The following COL5A2 variants were observed in gnomAD, a reference collection of about 807,000 sequenced individuals.
COL5A2 encodes collagen alpha-2(V) chain.
A neutral mutation model predicts 208.2 loss-of-function variants in COL5A2; 23 were observed. The observed-to-expected ratio is 0.11, with a 90% CI of 0.08 to 0.16. COL5A2 has a LOEUF of 0.16. Among genes scored for constraint, COL5A2 ranks in the 10% least tolerant of loss-of-function variants. The pLI, the probability that COL5A2 is intolerant of heterozygous loss-of-function variation, is 1.00. For synonymous variants in COL5A2, 625 were observed against 628.5 expected, an observed-to-expected ratio of 0.99 and a Z score of 0.08; for missense variants, 1,590 against 1,956.4, an observed-to-expected ratio of 0.81 and a Z score of 3.53.
intron 31 of COL5A2, among the ~76,000 whole-genome samples, chr2:189,059,984 C>T (rs1385804268): frequency 6.6e-6 from 1 of 151,930 alleles, no homozygotes; most frequent in Non-Finnish European, 1.5e-5. Context: ...ACCCTGCAGC[C>T]CCCTTTCTAT....
chr2:189,361,121 C>G, the COL5A2 span, among the ~76,000 whole-genome samples: 1 of 152,048 alleles, frequency 6.6e-6, no homozygotes, highest in African/African-American at 2.4e-5. Context: ...GTTAGGTCCA[C>G]TTGGTCTAGA....
At chr2:189,321,231 A>G in the COL5A2 span, among the ~76,000 whole-genome samples, 1 of 152,228 alleles carries the variant, frequency 6.6e-6, no homozygotes, top group Non-Finnish European at 1.5e-5. Flanking sequence ...TGTAAAGACC[A>G]TCGATGCTAG....
At chr2:189,345,042 G>A in the COL5A2 span, among the ~76,000 whole-genome samples, 4 of 152,176 alleles carry the variant, frequency 2.6e-5, no homozygotes, top group Non-Finnish European at 4.4e-5. Flanking sequence ...GCTGCAAAAG[G>A]AATTAGGGAG....
intron 1 of COL5A2, among the ~76,000 whole-genome samples, chr2:189,193,420 T>C (rs1194293864): frequency 2.0e-5 from 3 of 152,228 alleles, no homozygotes; most frequent in Non-Finnish European, 4.4e-5. Flanking sequence ...ATACTATTTA[T>C]TTACCACTTA....
rs1688145344 is a variant in COL5A2, at chr2:189,151,674, T to G, written c.97+27834A>C. 2.0e-5 allele frequency among the ~76,000 whole-genome samples: 3 copies of G among 152,214 alleles called. No homozygotes were observed. The South Asian group carries it at 6.2e-4, about 31-fold the overall frequency. On this transcript the variant is annotated intron_variant, in intron 1 of 53. Transcript: ENST00000374866. ...AAACACATATTCATCTGTAACTCTT[T>G]TTCTTACCTTCTTCACTGTAAAACC...
intron 1 of COL5A2, among the ~76,000 whole-genome samples, chr2:189,191,162 A>AAAAAAAAAAAAAAAC (rs374376776): frequency 1.4e-5 from 1 of 73,802 alleles, no homozygotes; most frequent in African/African-American, 3.6e-5. Flanking sequence ...CAAAAAACAA[A>AAAAAAAAAAAAAAAC]CAAACAACAA....
chr2:189,074,382 G>A (rs1301032068), intron 17 of COL5A2, among the ~76,000 whole-genome samples: 1 of 152,078 alleles, frequency 6.6e-6, no homozygotes. Flanking sequence ...CTATGAAATA[G>A]TGCAAGATGG....
chr2:189,061,562 C>G lies in COL5A2; in HGVS notation c.2031G>C (p.Gln677His). The change falls in exon 30 of 54, where the codon CAG becomes CAC. Residue 677 changes from glutamine (Q) to histidine (H), a missense_variant and splice_region_variant. Physicochemically the swap from Gln to His is conservative, Grantham distance 24. Coordinates refer to ENST00000374866, the MANE Select transcript of COL5A2 (RefSeq NM_000393.5). ...AATGGAAAACCGAATTAGTGCATACCTGAAAACCTGTGGGGCCTGGAGGTC... is the reference window on the plus strand; with the variant it reads ...AATGGAAAACCGAATTAGTGCATACGTGAAAACCTGTGGGGCCTGGAGGTC... ...EQGPPGPTGF[Q>H]GLPGPPGPPG... 4 of 1,611,606 alleles carry G rather than the reference C, an allele frequency of 2.5e-6. No homozygotes were observed. The highest frequency in any genetic ancestry group is 3.4e-6 in the Non-Finnish European group (4 of 1,178,266).
At chr2:189,281,408 T>A in the COL5A2 span, among the ~76,000 whole-genome samples, 4 of 152,284 alleles carry the variant, frequency 2.6e-5, no homozygotes, top group East Asian at 7.7e-4. Flanking sequence ...CTGTGTGGCC[T>A]GCCTAGTGTA....
intron 1 of COL5A2, among the ~76,000 whole-genome samples, chr2:189,194,132 A>C (rs79850376): frequency 6.6e-6 from 1 of 152,182 alleles, no homozygotes; most frequent in Non-Finnish European, 1.5e-5. Flanking sequence ...ATCCACCACA[A>C]AAAGTTATTT....
intron 1 of COL5A2, among the ~76,000 whole-genome samples, chr2:189,207,213 A>G (rs1689153175): frequency 1.3e-5 from 2 of 152,180 alleles, no homozygotes; most frequent in South Asian, 4.1e-4. Context: ...AAACTAGAGG[A>G]ATGTGAATTG....
chr2:189,195,376 T>C lies in COL5A2; in HGVS notation c.-42+29772A>G, dbSNP rs142039508. ...ATAGGAAGAATTAATATCGTGAAAA[T>C]GGCCATGCTGCCCAAAGTAATTCAT... On this transcript the variant is annotated intron_variant, in intron 1 of 10. Coordinates refer to the COL5A2 transcript ENST00000649966. Among the ~76,000 whole-genome samples, 1,511 of 152,258 alleles carry C rather than the reference T, an allele frequency of 9.9e-3. 30 individuals carry two copies. Among genetic ancestry groups the C allele is most frequent in the African/African-American group, 0.034 (1,400 of 41,558 alleles).
At chr2:189,258,939 CAAATCTTCACTCATTTTCTCAGCTGT>C in the COL5A2 span, among the ~76,000 whole-genome samples, 8 of 152,280 alleles carry the variant, frequency 5.3e-5, no homozygotes, top group Non-Finnish European at 1.0e-4. Flanking sequence ...AATTACCTGC[CAAATCTTCACTCATTTTCTCAGCTGT>C]AAAGCTTCAC....
the COL5A2 span, among the ~76,000 whole-genome samples, chr2:189,231,728 T>TTG: frequency 1.3e-5 from 2 of 151,742 alleles, no homozygotes; most frequent in African/African-American, 4.8e-5. Context: ...ATTAGAGCAT[T>TTG]TGTGTGTATG....
intron 1 of COL5A2, among the ~76,000 whole-genome samples, chr2:189,220,810 T>C (rs1335454913): frequency 6.6e-6 from 1 of 152,208 alleles, no homozygotes; most frequent in Admixed American, 6.6e-5. Context: ...ATCATGAGCA[T>C]GAGGCCCATC....
At position 189,050,646 on chromosome 2, in the gene COL5A2, T is replaced by C; in HGVS notation, c.2962A>G (p.Thr988Ala). 2 of 1,552,562 alleles carry C rather than the reference T, an allele frequency of 1.3e-6. No homozygotes were observed. The highest frequency in any genetic ancestry group is 1.7e-6 in the Non-Finnish European group (2 of 1,147,400). ...CCAACAATTCCTCTCTGCCCGGTCG[T>C]TCCAGCTGGACCAGGGGGGCCATCT... ...GPDGPPGPAG[T>A]TGQRGIVGMP... The change falls in exon 43 of 54, where the codon ACG (threonine) becomes GCG (alanine). Residue 988 changes from threonine to alanine, a missense_variant. By Grantham distance (58) the Thr-to-Ala change is moderately conservative (BLOSUM62 0). Transcript: ENST00000374866.
the COL5A2 span, among the ~76,000 whole-genome samples, chr2:189,325,816 G>A: frequency 6.6e-6 from 1 of 152,120 alleles, no homozygotes; most frequent in Non-Finnish European, 1.5e-5. Context: ...AGGTTAGAAG[G>A]CCAGGCGCAG....
intron 4 of COL5A2, 103 bp from the exon 5 acceptor site, chr2:189,098,862 T>C: frequency 1.3e-6 from 1 of 798,806 alleles, no homozygotes; most frequent in Non-Finnish European, 2.2e-6. Context: ...CAGTAATTTT[T>C]TTAACAAATG....
the COL5A2 span, among the ~76,000 whole-genome samples, chr2:189,251,452 G>A: frequency 1.5e-3 from 232 of 152,240 alleles, no homozygotes; most frequent in African/African-American, 5.2e-3. Context: ...ATCTGACTCT[G>A]CCCACTCCAA....
Sources: allele counts gnomAD v4.1 joint callset (sites outside exome capture counted in the v4.1 genomes callset), GRCh38; gene constraint gnomAD v4.1.1; transcripts MANE v1.5; gene names NCBI Gene and HGNC (gene_info 2026-07-23, HGNC 2026-07-21).